The following RSU1 variants were observed in gnomAD, a reference collection of about 807,000 sequenced individuals.
The protein encoded by RSU1 is rsu-1.
RSU1 carries 26 observed loss-of-function variants against 31.1 expected under a neutral mutation model. The ratio of observed to expected loss-of-function variants is 0.84; its 90% CI spans 0.61 to 1.16. The LOEUF (loss-of-function observed/expected upper bound fraction) is 1.16, where lower values mean the gene tolerates loss of function less well. RSU1 is among the 50% of genes most tolerant of loss of function. The pLI is 0.00. For missense variants in RSU1, 320 were observed against 339.1 expected (o/e 0.94, Z 0.44); for synonymous variants, 164 against 136.3 (o/e 1.20, Z -1.41).
intron 2 of RSU1, among the ~76,000 whole-genome samples, chr10:16,800,747 T>C (rs1322127188): frequency 2.6e-5 from 4 of 152,160 alleles, no homozygotes; most frequent in African/African-American, 9.7e-5. Context: ...CAGTGTTATT[T>C]AAAAGTGAGT....
chr10:16,748,910 TTCTC>T (rs1204904950), intron 7 of RSU1, among the ~76,000 whole-genome samples: 1 of 146,660 alleles, frequency 6.8e-6, no homozygotes, highest in East Asian at 2.0e-4. Context: ...GTCATTCATA[TTCTC>T]TCTCTCTTTC....
intron 7 of RSU1, among the ~76,000 whole-genome samples, chr10:16,746,078 A>G (rs747892405): frequency 6.6e-6 from 1 of 152,188 alleles, no homozygotes; most frequent in African/African-American, 2.4e-5. Context: ...ACATCCACTC[A>G]TTGTTAATTC....
chr10:16,666,230 A>G (rs1834985462), intron 8 of RSU1, among the ~76,000 whole-genome samples: 1 of 132,774 alleles, frequency 7.5e-6, no homozygotes, highest in South Asian at 2.6e-4. Flanking sequence ...ATACCTAGAG[A>G]TAGCACTGCT....
intron 2 of RSU1, among the ~76,000 whole-genome samples, chr10:16,816,063 G>A (rs1838523314): frequency 2.0e-5 from 3 of 152,234 alleles, no homozygotes; most frequent in Admixed American, 2.0e-4. Context: ...GTGCGGAGAG[G>A]GTTTAAACCA....
intron 8 of RSU1, among the ~76,000 whole-genome samples, chr10:16,639,182 CTG>C (rs1392920672): frequency 6.6e-6 from 1 of 152,232 alleles, no homozygotes; most frequent in Non-Finnish European, 1.5e-5. Context: ...GCTAATAAAA[CTG>C]TGGCTACAGT....
At chr10:16,717,148 C>A (rs1050843467) in intron 7 of RSU1, among the ~76,000 whole-genome samples, 3 of 152,122 alleles carry the variant, frequency 2.0e-5, no homozygotes, top group African/African-American at 7.2e-5. Flanking sequence ...AGAACCTAAA[C>A]TTAAGTTATA....
rs770519974 is a variant in RSU1 at position 16,761,856 on chromosome 10, AAAAAC to A, written c.281+2529_281+2533del. On this transcript the variant is annotated intron_variant, in intron 4 of 8. Transcript: ENST00000345264. ...CGACGACAGAGTGAGACTCTGTCTC[AAAAAC>A]AAAACAAAACAAAAGAGTGCCATTC... 4.9e-3 allele frequency among the ~76,000 whole-genome samples: 742 copies of A among 152,206 alleles called. 4 individuals carry two copies. Among genetic ancestry groups the A allele is most frequent in the Admixed American group, 7.7e-3 (117 of 15,290 alleles).
At chr10:16,778,803 G>A (rs977993831) in intron 3 of RSU1, among the ~76,000 whole-genome samples, 13 of 152,176 alleles carry the variant, frequency 8.5e-5, no homozygotes, top group Non-Finnish European at 1.3e-4. Context: ...AGGAGAGGCT[G>A]GCATGGGATG....
At chr10:16,727,316 T>C (rs1836419698) in intron 7 of RSU1, among the ~76,000 whole-genome samples, 1 of 152,134 alleles carries the variant, frequency 6.6e-6, no homozygotes, top group Non-Finnish European at 1.5e-5. Context: ...AATTCAACTT[T>C]TATATCAAAC....
intron 2 of RSU1, among the ~76,000 whole-genome samples, chr10:16,807,467 T>C (rs971844312): frequency 1.3e-5 from 2 of 152,190 alleles, no homozygotes; most frequent in African/African-American, 4.8e-5. Context: ...TAAGCTAATG[T>C]TCTAAGTTTG....
rs1335363833 is a variant in RSU1 at position 16,752,801 on chromosome 10, G to A, written c.483+117C>T. The A allele has an allele frequency of 6.8e-6, 7 of 1,031,282 alleles. No homozygotes were observed. The East Asian group carries it at 1.7e-4, about 25-fold the overall frequency. 63.9% of individuals were successfully genotyped at this position (1,031,282 alleles called of 1,614,324 possible). A position where few individuals can be genotyped will look rare whatever the true frequency, so the allele number is the denominator to read the frequency against. ...GGCGGATAATCAAGAAACACTATCA[G>A]GAGTAGTGGTTTATTCCCACAAAAC... On this transcript the variant is annotated intron_variant, in intron 6 of 8. Transcript: ENST00000345264.
intron 3 of RSU1, among the ~76,000 whole-genome samples, chr10:16,777,950 C>A (rs981011861): frequency 2.0e-5 from 3 of 151,746 alleles, no homozygotes; most frequent in African/African-American, 7.3e-5. Context: ...CATCACAGCC[C>A]ATCATTCCTT....
intron 4 of RSU1, among the ~76,000 whole-genome samples, chr10:16,759,720 C>A (rs935822790): frequency 3.3e-5 from 5 of 152,188 alleles, no homozygotes; most frequent in African/African-American, 1.2e-4. Context: ...TGGCTTCACA[C>A]TTTTTGGAAA....
chr10:16,790,960 C>T (rs1837900917), intron 2 of RSU1, among the ~76,000 whole-genome samples: 2 of 152,180 alleles, frequency 1.3e-5, no homozygotes, highest in Admixed American at 1.3e-4. Context: ...TCAGAAACTA[C>T]CCAGCCTCAA....
intron 7 of RSU1, among the ~76,000 whole-genome samples, chr10:16,730,587 G>A (rs1836487863): frequency 1.3e-5 from 2 of 152,166 alleles, no homozygotes; most frequent in Non-Finnish European, 2.9e-5. Context: ...TGACAAAATT[G>A]TAAGATGGTT....
At chr10:16,600,093 GA>G (rs1194447933) in intron 8 of RSU1, among the ~76,000 whole-genome samples, 2 of 152,340 alleles carry the variant, frequency 1.3e-5, no homozygotes, top group African/African-American at 4.8e-5. Context: ...AGTGACACAA[GA>G]GGATCAGTTG....
chr10:16,729,406 G>T (rs1836458357), intron 7 of RSU1, among the ~76,000 whole-genome samples: 1 of 152,142 alleles, frequency 6.6e-6, no homozygotes, highest in African/African-American at 2.4e-5. Flanking sequence ...AAGTTTCAGT[G>T]AAAGAGAAAG....
intron 7 of RSU1, among the ~76,000 whole-genome samples, chr10:16,699,580 G>A (rs1835747070): frequency 6.6e-6 from 1 of 152,240 alleles, no homozygotes; most frequent in African/African-American, 2.4e-5. Context: ...AGTGCGTTGA[G>A]TTAGGAGCCC....
chr10:16,808,428 G>C (rs934454977), intron 2 of RSU1, among the ~76,000 whole-genome samples: 2 of 147,056 alleles, frequency 1.4e-5, no homozygotes, highest in Middle Eastern at 3.6e-3. Flanking sequence ...AGGCTGCAGT[G>C]ACCGTGATCA....
Sources: gnomAD v4.1 joint callset for allele counts (sites outside exome capture counted in the v4.1 genomes callset) on GRCh38, gnomAD v4.1.1 for gene constraint, MANE v1.5 for transcripts, NCBI Gene and HGNC (gene_info 2026-07-23, HGNC 2026-07-21) for gene names.